NEK5: variants seen among roughly 807,000 people sequenced by gnomAD.
NEK5 encodes the protein serine/threonine-protein kinase Nek5.
NEK5 carries 88 observed loss-of-function variants against 109.2 expected under a neutral mutation model. That is an observed-to-expected ratio of 0.81 (90% CI 0.68 to 0.96). The LOEUF is 0.96. Among genes scored for constraint, NEK5 ranks in the 40% least tolerant of loss-of-function variants. The pLI, the probability that NEK5 is intolerant of heterozygous loss-of-function variation, is 0.00. For missense variants in NEK5, 834 were observed against 920.7 expected, an observed-to-expected ratio of 0.91 and a Z score of 1.22; for synonymous variants, 283 against 299.9, an observed-to-expected ratio of 0.94 and a Z score of 0.58.
intron 12 of NEK5, among the ~76,000 whole-genome samples, chr13:52,097,664 A>C (rs761446907): frequency 6.6e-6 from 1 of 152,204 alleles, no homozygotes; most frequent in Non-Finnish European, 1.5e-5. Context: ...ACAGCCTCAC[A>C]GGTGGAAGGG....
intron 12 of NEK5, among the ~76,000 whole-genome samples, chr13:52,096,709 TAA>T (rs1955424684): frequency 6.6e-6 from 1 of 152,154 alleles, no homozygotes; most frequent in African/African-American, 2.4e-5. Context: ...AAGCAGAGTG[TAA>T]AAGTTAGGAA....
intron 13 of NEK5, among the ~76,000 whole-genome samples, chr13:52,090,189 A>G (rs753191966): frequency 9.2e-5 from 14 of 152,194 alleles, no homozygotes; most frequent in Non-Finnish European, 1.9e-4. Flanking sequence ...ACAATTTTCA[A>G]GTTTATACTC....
At chr13:52,069,890 C>G (rs1954758083) in intron 20 of NEK5, among the ~76,000 whole-genome samples, 2 of 152,202 alleles carry the variant, frequency 1.3e-5, no homozygotes, top group South Asian at 4.1e-4. Context: ...CTCCACCCAG[C>G]TCGCACTTCA....
intron 22 of NEK5, among the ~76,000 whole-genome samples, chr13:52,055,352 G>A (rs1415630926): frequency 3.3e-5 from 5 of 152,088 alleles, no homozygotes; most frequent in Non-Finnish European, 7.4e-5. Context: ...TGGGGAGAAT[G>A]GAACCAAGTT....
At chr13:52,118,540 CATTT>C (rs1289883527) in intron 4 of NEK5, among the ~76,000 whole-genome samples, 2 of 152,148 alleles carry the variant, frequency 1.3e-5, no homozygotes, top group Non-Finnish European at 2.9e-5. Context: ...AATGCTCCTT[CATTT>C]ATTATTTATT....
intron 22 of NEK5, among the ~76,000 whole-genome samples, chr13:52,057,606 A>G (rs1375232029): frequency 5.3e-5 from 8 of 152,254 alleles, no homozygotes; most frequent in Admixed American, 1.3e-4. Flanking sequence ...CACCATGATC[A>G]AGTGGGCTTC....
chr13:52,075,659 A>C (rs1228765224), intron 19 of NEK5, 99 bp downstream of exon 19: 2 of 772,232 alleles, frequency 2.6e-6, no homozygotes, highest in Non-Finnish European at 4.2e-6. Flanking sequence ...GTTGAAAAAA[A>C]TTATCCCTAC....
intron 3 of NEK5, among the ~76,000 whole-genome samples, chr13:52,120,738 CT>C (rs1448527593): frequency 6.6e-6 from 1 of 151,976 alleles, no homozygotes; most frequent in African/African-American, 2.4e-5. Flanking sequence ...TAGCAAAACC[CT>C]GTCTCTACTA....
chr13:52,062,934 G>T (rs1170146832), intron 21 of NEK5, among the ~76,000 whole-genome samples: 1 of 151,982 alleles, frequency 6.6e-6, no homozygotes, highest in Non-Finnish European at 1.5e-5. Flanking sequence ...AAAAAAAAAT[G>T]ACCCGACAAC....
At chr13:52,091,148 G>A (rs1159719077) in intron 13 of NEK5, among the ~76,000 whole-genome samples, 1 of 152,326 alleles carries the variant, frequency 6.6e-6, no homozygotes, top group Middle Eastern at 3.4e-3. Context: ...GGGGCATCCA[G>A]GAAAGAGAAG....
intron 14 of NEK5, among the ~76,000 whole-genome samples, chr13:52,087,681 A>G (rs943676060): frequency 7.2e-5 from 11 of 152,166 alleles, no homozygotes; most frequent in Non-Finnish European, 1.6e-4. Flanking sequence ...GCTGGAGTAC[A>G]GCGGCATGAT....
intron 12 of NEK5, among the ~76,000 whole-genome samples, chr13:52,095,935 G>C (rs1423539496): frequency 2.0e-5 from 3 of 152,170 alleles, no homozygotes; most frequent in Admixed American, 6.5e-5. Context: ...GACGAGGCCT[G>C]GTAAATGGAT....
intron 17 of NEK5, among the ~76,000 whole-genome samples, chr13:52,077,138 G>T (rs1403000360): frequency 1.3e-5 from 2 of 152,130 alleles, no homozygotes; most frequent in African/African-American, 2.4e-5. Context: ...AGGGAACAGT[G>T]GGGTAAAGGC....
chr13:52,112,187 TCTA>T (rs914228273), intron 5 of NEK5, 78 bp downstream of exon 5: 101 of 692,780 alleles, frequency 1.5e-4, no homozygotes, highest in African/African-American at 1.4e-3. Flanking sequence ...ATCAACATAG[TCTA>T]CTACTTATGA....
intron 21 of NEK5, among the ~76,000 whole-genome samples, chr13:52,064,392 G>A (rs1329360055): frequency 1.4e-5 from 2 of 144,912 alleles, no homozygotes; most frequent in Non-Finnish European, 3.1e-5. Flanking sequence ...CGCCCCGTCC[G>A]GGAGGTGGGG....
chr13:52,113,206 T>G (rs887778468), intron 4 of NEK5, among the ~76,000 whole-genome samples: 1 of 152,298 alleles, frequency 6.6e-6, no homozygotes, highest in East Asian at 1.9e-4. Flanking sequence ...ATGTACAGAC[T>G]ATCCACAAAT....
chr13:52,103,002 T>A (rs1955572857), intron 9 of NEK5, among the ~76,000 whole-genome samples: 1 of 152,216 alleles, frequency 6.6e-6, no homozygotes, highest in Non-Finnish European at 1.5e-5. Flanking sequence ...TGAAATTTTA[T>A]CTCTTGCTTT....
intron 4 of NEK5, among the ~76,000 whole-genome samples, chr13:52,118,074 C>T (rs1288865816): frequency 1.3e-5 from 2 of 152,140 alleles, no homozygotes; most frequent in African/African-American, 4.8e-5. Context: ...TACCCAGAAG[C>T]CAAAGAAGGG....
At chr13:52,072,139 G>A (rs557257895) in intron 19 of NEK5, 69 bp from the exon 20 acceptor site, 53 of 1,288,878 alleles carry the variant, frequency 4.1e-5, no homozygotes, top group South Asian at 1.2e-4. Flanking sequence ...CCATATTTTC[G>A]TGTTCCTAGT....
Sources: allele counts gnomAD v4.1 joint callset (sites outside exome capture counted in the v4.1 genomes callset), GRCh38; gene constraint gnomAD v4.1.1; transcripts MANE v1.5; gene names NCBI Gene and HGNC (gene_info 2026-07-23, HGNC 2026-07-21).